Variants in NIPSNAP2 observed in about 807,000 individuals in gnomAD.
NIPSNAP2 encodes the protein nipsnap homolog 2.
In NIPSNAP2, 42 loss-of-function variants were observed where a neutral mutation model predicts 48.4. That is an observed-to-expected ratio of 0.87 (90% CI 0.68 to 1.12). The LOEUF (loss-of-function observed/expected upper bound fraction) is 1.12. Among genes scored for constraint, NIPSNAP2 ranks in the 50% most tolerant of loss-of-function variants. The pLI is 0.00. For missense variants in NIPSNAP2, 314 were observed against 347.3 expected (o/e 0.90, Z 0.76); for synonymous variants, 158 against 126.6 (o/e 1.25, Z -1.67).
At chr7:55,984,934 C>A in intron 7 of NIPSNAP2, 56 bp downstream of exon 7, 1 of 1,396,824 alleles carries the variant, frequency 7.2e-7, no homozygotes, top group Non-Finnish European at 1.0e-6. Context: ...TTAGTTTAGG[C>A]CATAGTGTTA....
chr7:55,988,266 T>A (rs535650299), intron 7 of NIPSNAP2, among the ~76,000 whole-genome samples: 538 of 151,410 alleles, frequency 3.6e-3, no homozygotes, highest in Non-Finnish European at 5.7e-3. Flanking sequence ...AAAAAAAAAA[T>A]TTTTTTTTAA....
chr7:55,965,602 C>T (rs1423387569), intron 1 of NIPSNAP2, among the ~76,000 whole-genome samples: 2 of 151,926 alleles, frequency 1.3e-5, no homozygotes, highest in Non-Finnish European at 2.9e-5. Flanking sequence ...ATTTTTGAGA[C>T]GGAGTTTTGC....
intron 6 of NIPSNAP2, among the ~76,000 whole-genome samples, chr7:55,984,443 G>T (rs1490719550): frequency 6.6e-6 from 1 of 152,136 alleles, no homozygotes; most frequent in Non-Finnish European, 1.5e-5. Context: ...TTGGCTGGGT[G>T]TGGTGGCTCA....
At chr7:55,967,691 C>G (rs905637020) in intron 1 of NIPSNAP2, among the ~76,000 whole-genome samples, 2 of 151,736 alleles carry the variant, frequency 1.3e-5, no homozygotes, top group Non-Finnish European at 2.9e-5. Flanking sequence ...CTCTGTTGCC[C>G]AGGCTGGAGT....
chr7:55,999,311 C>T lies in NIPSNAP2; in HGVS notation c.*239C>T. 2.1e-6 allele frequency: 1 copy of T among 466,004 alleles called. No individual in the cohort carries two copies. Among genetic ancestry groups the T allele is most frequent in the Non-Finnish European group, 3.7e-6 (1 of 267,652 alleles). The allele number at this position is 466,004 out of a possible 1,614,324, so 28.9% of individuals were successfully genotyped here. A position where few individuals can be genotyped will look rare whatever the true frequency, so the allele number is the denominator to read the frequency against. ...GAAACACCCCGTGTTGTCCAGTATA[C>T]CTTATAACACTGAGCCACTTCTCCC... On this transcript the variant is annotated 3_prime_UTR_variant, in exon 10 of 10. Transcript: ENST00000322090.
intron 4 of NIPSNAP2, chr7:55,981,827 A>G (rs1375692490): frequency 1.5e-5 from 6 of 404,976 alleles, no homozygotes; most frequent in Middle Eastern, 6.9e-4. Flanking sequence ...GTTTTTTGAG[A>G]CAGAGTCTTG....
At chr7:55,970,907 G>A (rs1164266283) in intron 1 of NIPSNAP2, among the ~76,000 whole-genome samples, 1 of 152,120 alleles carries the variant, frequency 6.6e-6, no homozygotes, top group Admixed American at 6.6e-5. Flanking sequence ...GGGTTCACTT[G>A]AGCTCTTGCA....
chr7:55,982,318 A>G (rs755718711), intron 5 of NIPSNAP2, 38 bp downstream of exon 5: 1 of 1,171,200 alleles, frequency 8.5e-7, no homozygotes, highest in Non-Finnish European at 1.3e-6. Flanking sequence ...GACTAATGAT[A>G]TATAGATGTT....
At chr7:55,996,331 AC>A (rs920064852) in intron 8 of NIPSNAP2, among the ~76,000 whole-genome samples, 1 of 151,796 alleles carries the variant, frequency 6.6e-6, no homozygotes. Context: ...TGGATGAGAT[AC>A]CTGTGAATTG....
At position 55,964,662 on chromosome 7, in the gene NIPSNAP2, T is replaced by G; in HGVS notation, c.53T>G (p.Leu18Arg). Residue 18 changes from leucine to arginine, a missense_variant, in exon 1 of 10, where the codon CTG becomes CGG. This residue lies in a region of NIPSNAP2 where 198 missense variants were observed against 185.5 expected (regional missense o/e 1.07). Coordinates refer to ENST00000322090, the MANE Select transcript of NIPSNAP2 (RefSeq NM_001483.3). ...ARGAAWAGGL[L>R]QRAAPCSLLP... ...GGAGCGGCCTGGGCCGGCGGCCTCC[T>G]GCAGCGGGCGGCCCCCTGCAGCCTC... The G allele has an allele frequency of 9.0e-7, 1 of 1,113,042 alleles. No individual in the cohort carries two copies. The allele number at this position is 1,113,042 out of a possible 1,614,324, so 68.9% of individuals were successfully genotyped here. A position where few individuals can be genotyped will look rare whatever the true frequency, so the allele number is the denominator to read the frequency against.
At chr7:55,970,391 G>A (rs1009097169) in intron 1 of NIPSNAP2, among the ~76,000 whole-genome samples, 2 of 149,554 alleles carry the variant, frequency 1.3e-5, no homozygotes, top group Non-Finnish European at 3.0e-5. Context: ...TCACTGCAAC[G>A]TCCGCCTCCC....
rs763070402 is a variant in NIPSNAP2 at position 55,978,387 on chromosome 7, C to G, written c.270C>G (p.Asn90Lys). 6.2e-6 allele frequency: 10 copies of G among 1,611,424 alleles called. No individual in the cohort carries two copies. Among genetic ancestry groups the G allele is most frequent in the Non-Finnish European group, 8.5e-6 (10 of 1,179,032 alleles). Residue 90 changes from asparagine to lysine, a missense_variant, in exon 3 of 10, where the codon AAC becomes AAG. Asn to Lys is a moderately conservative substitution (Grantham distance 94). Around this residue, in one of 2 missense-constraint regions of NIPSNAP2, gnomAD observed 198 missense variants for 185.5 expected, o/e 1.07. Coordinates refer to ENST00000322090, the MANE Select transcript of NIPSNAP2 (RefSeq NM_001483.3). ...NVKPECLEAY[N>K]KICQEVLPKI... is the part of the protein sequence containing the mutation. ...AACCGGAATGCCTAGAAGCATACAA[C>G]AAAATTTGGTGTGTATACCAAACTA...
Position 55,964,697 on chromosome 7 carries a change from C to G in NIPSNAP2, c.88C>G (p.Leu30Val). 1.8e-6 allele frequency: 2 copies of G among 1,122,126 alleles called. No individual in the cohort carries two copies. Among genetic ancestry groups the G allele is most frequent in the Non-Finnish European group, 1.1e-6 (1 of 917,544 alleles). 69.5% of individuals were successfully genotyped at this position (1,122,126 alleles called of 1,614,324 possible). ...RAAPCSLLPR[L>V]RTWTSSSNRS... is the part of the protein sequence containing the mutation. ...GGCCCCCTGCAGCCTCCTGCCCAGG[C>G]TCCGGTGAGCAGCGCCGCCCTTCCC... The change falls in exon 1 of 10, where the codon CTC becomes GTC. Residue 30 changes from leucine (L) to valine (V), a missense_variant. Physicochemically the swap from Leu to Val is conservative, Grantham distance 32 (BLOSUM62 1). This residue lies in a region of NIPSNAP2 where 198 missense variants were observed against 185.5 expected (regional missense o/e 1.07). Coordinates refer to ENST00000322090, the MANE Select transcript of NIPSNAP2 (RefSeq NM_001483.3).
chr7:55,984,747 G>T, intron 6 of NIPSNAP2, 100 bp from the exon 7 acceptor site: 86 of 857,514 alleles, frequency 1.0e-4, no homozygotes, highest in Non-Finnish European at 1.4e-4. Context: ...GTTTTTTGAA[G>T]TTAGTTTTGT....
intron 1 of NIPSNAP2, among the ~76,000 whole-genome samples, chr7:55,974,395 A>G (rs1372958913): frequency 6.6e-6 from 1 of 152,100 alleles, no homozygotes; most frequent in Non-Finnish European, 1.5e-5. Context: ...TGTTCATTTC[A>G]TGAAGTACTG....
intron 8 of NIPSNAP2, among the ~76,000 whole-genome samples, chr7:55,995,655 A>G (rs1472193467): frequency 6.6e-6 from 1 of 152,164 alleles, no homozygotes. Flanking sequence ...GGAAGGTTCC[A>G]TCCCTTTGGC....
At chr7:55,978,619 G>A in intron 3 of NIPSNAP2, 1 of 522,272 alleles carries the variant, frequency 1.9e-6, no homozygotes, top group East Asian at 3.2e-5. Context: ...ACTTTAGAAT[G>A]TTACCAGACT....
chr7:55,965,278 C>T (rs1786868738), intron 1 of NIPSNAP2: 1 of 151,950 alleles, frequency 6.6e-6, no homozygotes, highest in Admixed American at 6.6e-5. Flanking sequence ...TAAAGCCGGC[C>T]GTGGATCTAA....
At chr7:55,969,826 A>G (rs1786979413) in intron 1 of NIPSNAP2, among the ~76,000 whole-genome samples, 1 of 151,876 alleles carries the variant, frequency 6.6e-6, no homozygotes, top group African/African-American at 2.4e-5. Context: ...TACTAAAAAT[A>G]CAAAAAATTA....
Sources: gnomAD v4.1 joint callset for allele counts (sites outside exome capture counted in the v4.1 genomes callset) on GRCh38, gnomAD v4.1.1 for gene constraint, gnomAD v4.1.1 regional missense constraint, MANE v1.5 for transcripts, NCBI Gene and HGNC (gene_info 2026-07-23, HGNC 2026-07-21) for gene names.